Variants in MEPE observed in about 807,000 individuals in gnomAD.
The protein encoded by MEPE is matrix, extracellular phosphoglycoprotein with ASARM motif (bone).
In MEPE, 7 loss-of-function variants were observed where a neutral mutation model predicts 7.3. That is an observed-to-expected ratio of 0.95 (90% CI 0.54 to 1.79). The LOEUF is 1.79. Among genes scored for constraint, MEPE ranks in the 40% most tolerant of loss-of-function variants. The probability of loss-of-function intolerance (pLI) is 0.00; values close to 1 mark genes in which losing one functional copy is unlikely to be tolerated. For synonymous variants in MEPE, 214 were observed against 213.1 expected, an observed-to-expected ratio of 1.00 and a Z score of -0.04; for missense variants, 623 against 628.2, an observed-to-expected ratio of 0.99 and a Z score of 0.09.
chr4:87,846,616 C>A lies in MEPE; in HGVS notation c.*170C>A. 1 of 636,882 alleles carries A rather than the reference C, an allele frequency of 1.6e-6. No individual in the cohort carries two copies. The highest frequency in any genetic ancestry group is 2.6e-6 in the Non-Finnish European group (1 of 389,010). The allele number at this position is 636,882 out of a possible 1,614,324, so 39.5% of individuals were successfully genotyped here. A position where few individuals can be genotyped will look rare whatever the true frequency, so the allele number is the denominator to read the frequency against. ...GGAATTTTTGCTATCTTAATAGTCA[C>A]AGTATAAAATTCTATTAAAGGCTAT... On this transcript the variant is annotated 3_prime_UTR_variant, in exon 4 of 4. Transcript: ENST00000361056.
upstream of MEPE, among the ~76,000 whole-genome samples, chr4:87,829,865 CTTTTT>C (rs3037623): frequency 1.8e-5 from 2 of 111,884 alleles, no homozygotes; most frequent in African/African-American, 6.4e-5. Flanking sequence ...CACCCAAATC[CTTTTT>C]TTTTTTTTTT....
chr4:87,845,972 G>A lies in MEPE; in HGVS notation c.1104G>A (p.Gly368=). ...CTGGCAGCCAAAATGCTCACCAAGG[G>A]AAGGTTGAGTTTCATTACCCTCCTG... ...VDAGSQNAHQ[G]KVEFHYPPAP... is the part of the protein sequence containing the mutation. Residue 368 remains glycine, a synonymous_variant, in exon 4 of 4, where the codon GGG becomes GGA. Transcript: ENST00000361056. 6.2e-7 allele frequency: 1 copy of A among 1,613,948 alleles called. No individual in the cohort carries two copies. The highest frequency in any genetic ancestry group is 8.5e-7 in the Non-Finnish European group (1 of 1,179,952).
upstream of MEPE, among the ~76,000 whole-genome samples, chr4:87,830,221 T>C (rs1342809965): frequency 6.6e-6 from 1 of 152,112 alleles, no homozygotes; most frequent in African/African-American, 2.4e-5. Context: ...AGTAATCCCA[T>C]TACTGGGTAT....
chr4:87,829,905 A>G (rs1406856305), upstream of MEPE, among the ~76,000 whole-genome samples: 1 of 133,370 alleles, frequency 7.5e-6, no homozygotes, highest in Admixed American at 8.5e-5. Context: ...AATTCTGGTC[A>G]TGGATACTGT....
In MEPE at chr4:87,846,320, T is replaced by C. The variant is rs757821304; in HGVS notation, c.1452T>C (p.Gly484=). ...AAAATAATTCTACACGGAATAAGGG[T>C]ATGCCACAAGGGAAAGGCTCCTGGG... ...HRQNNSTRNK[G]MPQGKGSWGR... The change falls in exon 4 of 4, where the codon GGT becomes GGC. Residue 484 remains glycine, a synonymous_variant. Coordinates refer to ENST00000361056, the MANE Select transcript of MEPE (RefSeq NM_020203.6). 1 of 1,614,046 alleles carries C rather than the reference T, an allele frequency of 6.2e-7. No homozygotes were observed. The highest frequency in any genetic ancestry group is 8.5e-7 in the Non-Finnish European group (1 of 1,179,960).
At chr4:87,823,369 G>T (rs72875438) in intron 1 of MEPE, among the ~76,000 whole-genome samples, 10,584 of 152,178 alleles carry the variant, frequency 0.07, 495 homozygotes, top group African/African-American at 0.13. Flanking sequence ...TCTGCAGCTG[G>T]TAGCAGACAG....
chr4:87,841,686 T>G (rs1419891271), intron 3 of MEPE, among the ~76,000 whole-genome samples: 1 of 152,134 alleles, frequency 6.6e-6, no homozygotes, highest in Non-Finnish European at 1.5e-5. Context: ...AGAACAGTAC[T>G]TCTGTTTGGG....
At chr4:87,824,739 A>G (rs767553182) in intron 1 of MEPE, among the ~76,000 whole-genome samples, 4 of 152,144 alleles carry the variant, frequency 2.6e-5, no homozygotes, top group African/African-American at 9.7e-5. Flanking sequence ...TTTGTTTTCA[A>G]TTTGAAGCTT....
At chr4:87,828,592 C>A (rs1722527538), upstream of MEPE, among the ~76,000 whole-genome samples, 1 of 151,972 alleles carries the variant, frequency 6.6e-6, no homozygotes, top group Non-Finnish European at 1.5e-5. Flanking sequence ...AACAAACAAA[C>A]AAAAAAGCCT....
chr4:87,826,836 G>A (rs1042318125), intron 1 of MEPE, among the ~76,000 whole-genome samples: 51 of 151,854 alleles, frequency 3.4e-4, no homozygotes, highest in African/African-American at 1.2e-3. Flanking sequence ...TTTTTAATGG[G>A]GCTGTTGGTT....
intron 1 of MEPE, among the ~76,000 whole-genome samples, chr4:87,827,591 C>T (rs1011132970): frequency 6.6e-6 from 1 of 152,086 alleles, no homozygotes; most frequent in Non-Finnish European, 1.5e-5. Flanking sequence ...AGATATTTTC[C>T]TCTTGAGGTC....
intron 1 of MEPE, among the ~76,000 whole-genome samples, chr4:87,824,689 A>G (rs1722420462): frequency 6.6e-6 from 1 of 152,166 alleles, no homozygotes; most frequent in Non-Finnish European, 1.5e-5. Context: ...TAAGAGATAA[A>G]TTGTATCTTT....
In MEPE at chr4:87,846,273, T is replaced by A; in HGVS notation, c.1405T>A (p.Tyr469Asn). 1 of 1,613,792 alleles carries A rather than the reference T, an allele frequency of 6.2e-7. No individual in the cohort carries two copies. Among genetic ancestry groups the A allele is most frequent in the Non-Finnish European group, 8.5e-7 (1 of 1,179,914 alleles). ...HENIITHGRK[Y>N]HYVPHRQNNS... ...GAATATAATAACACATGGCAGAAAA[T>A]ATCATTATGTACCCCACAGACAAAA... Residue 469 changes from tyrosine to asparagine, a missense_variant, in exon 4 of 4, where the codon TAT becomes AAT. By Grantham distance (143) the Tyr-to-Asn change is moderately radical. Coordinates refer to ENST00000361056, the MANE Select transcript of MEPE (RefSeq NM_020203.6).
intron 2 of MEPE, 29 bp downstream of exon 2, chr4:87,834,797 C>T: frequency 6.3e-7 from 1 of 1,575,342 alleles, no homozygotes; most frequent in Non-Finnish European, 8.7e-7. Context: ...AATTATATTT[C>T]AGATAATCTC....
rs369685078 is a variant in MEPE, at chr4:87,846,067, C to T, written c.1199C>T (p.Pro400Leu). 12 of 1,613,790 alleles carry T rather than the reference C, an allele frequency of 7.4e-6. No individual in the cohort carries two copies. In the African/African-American group the frequency reaches 1.6e-4, roughly 22 times the overall value. ...AAESTNYNEI[P>L]KNGKGSTRKG... is the part of the protein sequence containing the mutation. ...GAAAGTACCAACTATAATGAAATTC[C>T]TAAAAATGGCAAAGGCAGTACCAGA... is the stretch of plus-strand genomic sequence containing the variant. Residue 400 changes from proline to leucine, a missense_variant, in exon 4 of 4, where the codon CCT becomes CTT. Physicochemically the swap from Pro to Leu is moderately conservative, Grantham distance 98. Coordinates refer to ENST00000361056, the MANE Select transcript of MEPE (RefSeq NM_020203.6).
chr4:87,831,887 T>G (rs1722608901), upstream of MEPE, among the ~76,000 whole-genome samples: 1 of 152,102 alleles, frequency 6.6e-6, no homozygotes, highest in African/African-American at 2.4e-5. Context: ...GTCATATGGC[T>G]GCAGGCTTAT....
chr4:87,845,140 C>G lies in MEPE; in HGVS notation c.272C>G (p.Thr91Arg), dbSNP rs761138757. 1.2e-5 allele frequency: 20 copies of G among 1,613,402 alleles called. No individual in the cohort carries two copies. Residue 91 changes from threonine to arginine, a missense_variant, in exon 4 of 4, where the codon ACA (threonine) becomes AGA (arginine). Coordinates refer to ENST00000361056, the MANE Select transcript of MEPE (RefSeq NM_020203.6). ...KGSSKSQNYFTNRQRLNKEYS... is the reference protein window; with the variant it reads ...KGSSKSQNYFRNRQRLNKEYS... ...AGTAGTAAATCTCAAAATTATTTCA[C>G]AAATAGACAGAGACTGAATAAAGAA...
chr4:87,836,039 G>C lies in MEPE; in HGVS notation c.54+1271G>C, dbSNP rs1026051453. Among the ~76,000 whole-genome samples, 4 of 151,954 alleles carry C rather than the reference G, an allele frequency of 2.6e-5. No individual in the cohort carries two copies. The South Asian group carries it at 8.3e-4, about 31-fold the overall frequency. On this transcript the variant is annotated intron_variant, in intron 2 of 3. Coordinates refer to ENST00000361056, the MANE Select transcript of MEPE (RefSeq NM_020203.6). ...AGACATCTGCTTGGGGGTATAGAGG[G>C]GACAAGGGAGGGATGCGTATTTCAA... is the stretch of plus-strand genomic sequence containing the variant.
At chr4:87,844,688 A>G (rs567563263) in intron 3 of MEPE, among the ~76,000 whole-genome samples, 4 of 152,156 alleles carry the variant, frequency 2.6e-5, no homozygotes, top group Non-Finnish European at 2.9e-5. Context: ...TTATGTCTCA[A>G]TTGTGTCCTG....
Sources: gnomAD v4.1 joint callset for allele counts (sites outside exome capture counted in the v4.1 genomes callset) on GRCh38, gnomAD v4.1.1 for gene constraint, MANE v1.5 for transcripts, NCBI Gene and HGNC (gene_info 2026-07-23, HGNC 2026-07-21) for gene names.